SEPTIN14: variants seen among roughly 807,000 people sequenced by gnomAD.
The protein encoded by SEPTIN14 is septin-14.
Under a neutral mutation model 53.6 loss-of-function variants are expected in SEPTIN14, and 40 were observed. The ratio of observed to expected loss-of-function variants is 0.75; its 90% CI spans 0.58 to 0.97. The LOEUF (loss-of-function observed/expected upper bound fraction) is 0.97. Among genes scored for constraint, SEPTIN14 ranks in the 50% least tolerant of loss-of-function variants. The probability of loss-of-function intolerance (pLI) is 0.00; values close to 1 mark genes in which losing one functional copy is unlikely to be tolerated. For missense variants in SEPTIN14, 471 were observed against 508.2 expected, an observed-to-expected ratio of 0.93 and a Z score of 0.70; for synonymous variants, 138 against 166.8, an observed-to-expected ratio of 0.83 and a Z score of 1.33.
At chr7:55,811,496 C>CTTTT (rs1170803437) in intron 7 of SEPTIN14, 59 of 181,060 alleles carry the variant, frequency 3.3e-4, no homozygotes, top group East Asian at 7.7e-4. Context: ...TTTTACAGTT[C>CTTTT]TTTTTTTTTT....
At position 55,793,624 on chromosome 7, in the gene SEPTIN14, G is replaced by A. The variant is rs1326511928; in HGVS notation, c.*2289C>T. On this transcript the variant is annotated 3_prime_UTR_variant, in exon 10 of 10. Coordinates refer to ENST00000388975, the MANE Select transcript of SEPTIN14 (RefSeq NM_207366.3). The stretch of plus-strand genomic sequence containing the variant: ...TGTAATTATAAATCTGTTAGGTGGT[G>A]TACAATGAATAAAGATACAATTTGT... 3 of 152,104 alleles carry A rather than the reference G, an allele frequency of 2.0e-5. No individual in the cohort carries two copies. Among genetic ancestry groups the A allele is most frequent in the South Asian group, 2.1e-4 (1 of 4,832 alleles). 9.4% of individuals were successfully genotyped at this position (152,104 alleles called of 1,614,324 possible). A position where few individuals can be genotyped will look rare whatever the true frequency, so the allele number is the denominator to read the frequency against.
intron 5 of SEPTIN14, among the ~76,000 whole-genome samples, chr7:55,838,407 T>C (rs1382151077): frequency 6.6e-6 from 1 of 152,136 alleles, no homozygotes; most frequent in African/African-American, 2.4e-5. Context: ...TAGTAAATTT[T>C]ATTTTAAAAA....
intron 5 of SEPTIN14, among the ~76,000 whole-genome samples, chr7:55,841,960 A>G (rs12671579): frequency 0.27 from 40,296 of 151,948 alleles, 6,502 homozygotes; most frequent in East Asian, 0.45. Context: ...ACTTGAACCC[A>G]GGAGGCAGAG....
At chr7:55,843,327 T>C (rs1778116848) in intron 4 of SEPTIN14, among the ~76,000 whole-genome samples, 199 bp from the exon 5 acceptor site, 1 of 152,090 alleles carries the variant, frequency 6.6e-6, no homozygotes, top group African/African-American at 2.4e-5. Context: ...ATGTAAAATG[T>C]AAACATAGAG....
chr7:55,860,380 G>A (rs997091354), intron 2 of SEPTIN14, among the ~76,000 whole-genome samples: 6 of 152,262 alleles, frequency 3.9e-5, no homozygotes, highest in Admixed American at 1.3e-4. Flanking sequence ...GCTGGGAAGG[G>A]TGTGTGAGTA....
intron 3 of SEPTIN14, among the ~76,000 whole-genome samples, chr7:55,845,254 A>G (rs1346943543): frequency 6.7e-6 from 1 of 149,294 alleles, no homozygotes; most frequent in Non-Finnish European, 1.5e-5. Context: ...TTAGCAAACC[A>G]TCAGAGCTCA....
At chr7:55,813,519 A>G (rs933142173) in intron 7 of SEPTIN14, among the ~76,000 whole-genome samples, 1 of 151,758 alleles carries the variant, frequency 6.6e-6, no homozygotes, top group Non-Finnish European at 1.5e-5. Context: ...ACCTCCCCCA[A>G]CTCCAGGCAG....
intron 9 of SEPTIN14, among the ~76,000 whole-genome samples, chr7:55,801,488 C>T (rs768960454): frequency 2.6e-5 from 4 of 151,972 alleles, no homozygotes; most frequent in Admixed American, 6.6e-5. Context: ...ACACGATCTA[C>T]GAAGACTGGA....
At position 55,807,847 on chromosome 7, in the gene SEPTIN14, C is replaced by T. The variant is rs182848739; in HGVS notation, c.818-589G>A. 3.3e-5 allele frequency among the ~76,000 whole-genome samples: 5 copies of T among 152,086 alleles called. No individual in the cohort carries two copies. In the East Asian group the frequency reaches 9.7e-4, roughly 29 times the overall value. Reference sequence around the variant, plus strand: ...TGCAATTAGAAACTAAAAGAGAAGGCACGGAAAGCTATACTCCTATCACAG... The same window carrying T: ...TGCAATTAGAAACTAAAAGAGAAGGTACGGAAAGCTATACTCCTATCACAG... On this transcript the variant is annotated intron_variant, in intron 7 of 9. Coordinates refer to ENST00000388975, the MANE Select transcript of SEPTIN14 (RefSeq NM_207366.3).
chr7:55,823,967 T>A (rs530659889), intron 6 of SEPTIN14, among the ~76,000 whole-genome samples: 2 of 151,856 alleles, frequency 1.3e-5, no homozygotes, highest in African/African-American at 4.8e-5. Context: ...CCTGGCTCAC[T>A]GCAACCTCTG....
chr7:55,852,697 T>C lies in SEPTIN14; in HGVS notation c.55-6060A>G, dbSNP rs186571771. On this transcript the variant is annotated intron_variant, in intron 2 of 9. Coordinates refer to ENST00000388975, the MANE Select transcript of SEPTIN14 (RefSeq NM_207366.3). The stretch of plus-strand genomic sequence containing the variant: ...GCAAAAATGGACAAATGGGATCATA[T>C]GAAATTAAAAAGCTTCTACACAGCA... Among the ~76,000 whole-genome samples the C allele has an allele frequency of 8.5e-4, 130 of 152,198 alleles. 1 individual carries two copies. Among genetic ancestry groups the C allele is most frequent in the Non-Finnish European group, 1.4e-3 (93 of 68,010 alleles).
At chr7:55,858,468 C>G (rs916835027) in intron 2 of SEPTIN14, among the ~76,000 whole-genome samples, 1 of 152,152 alleles carries the variant, frequency 6.6e-6, no homozygotes, top group Admixed American at 6.5e-5. Flanking sequence ...CTCTGGCAAA[C>G]CAACCCCACC....
chr7:55,797,238 T>C (rs1336822037), intron 9 of SEPTIN14, among the ~76,000 whole-genome samples: 2 of 152,064 alleles, frequency 1.3e-5, no homozygotes, highest in Non-Finnish European at 2.9e-5. Context: ...AGAAAGCTTA[T>C]ATAAAGAAAG....
rs777370712 is a variant in SEPTIN14, at chr7:55,861,932, ATATACT to A, written c.54+5_54+10del. On this transcript the variant is annotated splice_donor_5th_base_variant and intron_variant, in intron 2 of 9. Transcript: ENST00000388975. ...CAAAATGCAGAGTTATATTTGAAAG[ATATACT>A]TAACTGTATCTCCATCAGCAGGTAT... is the stretch of plus-strand genomic sequence containing the variant. 3 of 1,524,766 alleles carry A rather than the reference ATATACT, an allele frequency of 2.0e-6. No homozygotes were observed. Among genetic ancestry groups the A allele is most frequent in the South Asian group, 2.5e-5 (2 of 79,330 alleles). 94.5% of individuals were successfully genotyped at this position (1,524,766 alleles called of 1,614,324 possible).
At position 55,848,781 on chromosome 7, in the gene SEPTIN14, G is replaced by T. The variant is rs540056926; in HGVS notation, c.55-2144C>A. 2.8e-3 allele frequency among the ~76,000 whole-genome samples: 422 copies of T among 150,966 alleles called. 5 individuals are homozygous for T. Among genetic ancestry groups the T allele is most frequent in the Middle Eastern group, 0.01 (3 of 292 alleles). On this transcript the variant is annotated intron_variant, in intron 2 of 9. Coordinates refer to ENST00000388975, the MANE Select transcript of SEPTIN14 (RefSeq NM_207366.3). ...TGCCACTACGCCCGGCTAATTTTTT[G>T]TATTTTTAGTAGAGATGGGGTTTCA...
chr7:55,825,282 T>C (rs1388945085), intron 6 of SEPTIN14, among the ~76,000 whole-genome samples: 1 of 152,136 alleles, frequency 6.6e-6, no homozygotes, highest in Non-Finnish European at 1.5e-5. Context: ...TATGTGATAT[T>C]CCCAAAATAA....
Position 55,859,917 on chromosome 7 carries a change from C to T in SEPTIN14, c.54+2026G>A, listed in dbSNP as rs185109638. 4.1e-4 allele frequency among the ~76,000 whole-genome samples: 63 copies of T among 152,284 alleles called. 2 individuals carry two copies. The South Asian group carries it at 5.6e-3, about 14-fold the overall frequency. On this transcript the variant is annotated intron_variant, in intron 2 of 9. Coordinates refer to ENST00000388975, the MANE Select transcript of SEPTIN14 (RefSeq NM_207366.3). ...ATTTGGGGCCAGACGTGATGGCTCA[C>T]GCCTGTAATCCCAGCACTTTGGGAG... is the stretch of plus-strand genomic sequence containing the variant.
chr7:55,843,076 C>A lies in SEPTIN14; in HGVS notation c.424G>T (p.Glu142Ter). The change falls in exon 5 of 10, where the codon GAA becomes TAA. Residue 142 changes from glutamate (E) to a stop codon, truncating the protein, a stop_gained. Coordinates refer to ENST00000388975, the MANE Select transcript of SEPTIN14 (RefSeq NM_207366.3). LOFTEE classifies it high-confidence loss of function. ...AAGGAACGTTTAATCTTCAGTTCTTCTTGAAGATAGGCCTCAAATTGGGCA... is the reference window on the plus strand; with the variant it reads ...AAGGAACGTTTAATCTTCAGTTCTTATTGAAGATAGGCCTCAAATTGGGCA... Reference protein sequence around the residue: ...IDAQFEAYLQEELKIKRSLFE... With the variant: ...IDAQFEAYLQ 2 of 1,605,984 alleles carry A rather than the reference C, an allele frequency of 1.2e-6. No homozygotes were observed. The highest frequency in any genetic ancestry group is 1.1e-5 in the South Asian group (1 of 89,052).
chr7:55,846,413 G>A, intron 3 of SEPTIN14, 104 bp downstream of exon 3: 3 of 762,688 alleles, frequency 3.9e-6, no homozygotes, highest in Non-Finnish European at 6.2e-6. Context: ...TAAACATGAA[G>A]ATATATTTGA....
Sources: gnomAD v4.1 joint callset for allele counts (sites outside exome capture counted in the v4.1 genomes callset) on GRCh38, gnomAD v4.1.1 for gene constraint, MANE v1.5 for transcripts, NCBI Gene and HGNC (gene_info 2026-07-23, HGNC 2026-07-21) for gene names.